The following SLC47A2 variants were observed in gnomAD, a reference collection of about 807,000 sequenced individuals.
The protein encoded by SLC47A2 is multidrug and toxin extrusion protein 2.
SLC47A2 carries 52 observed loss-of-function variants against 67.7 expected under a neutral mutation model. The observed-to-expected ratio is 0.77, with a 90% CI of 0.61 to 0.97. SLC47A2 has a LOEUF of 0.97. Ranked by LOEUF, SLC47A2 falls within the 50% of genes least tolerant of loss-of-function variation. SLC47A2 has a pLI of 0.00. For synonymous variants in SLC47A2, 278 were observed against 292.9 expected, an observed-to-expected ratio of 0.95 and a Z score of 0.52; for missense variants, 676 against 712.3, an observed-to-expected ratio of 0.95 and a Z score of 0.58.
At chr17:19,680,081 A>G (rs757612845) in intron 15 of SLC47A2, 42 bp from the exon 16 acceptor site, 18 of 1,592,900 alleles carry the variant, frequency 1.1e-5, no homozygotes, top group African/African-American at 6.7e-5. Context: ...TGCCAGCTCA[A>G]CAGTTCACCC....
At chr17:19,695,678 A>G (rs552711551) in intron 13 of SLC47A2, among the ~76,000 whole-genome samples, 2 of 152,210 alleles carry the variant, frequency 1.3e-5, no homozygotes, top group South Asian at 4.1e-4. Context: ...ATAACTAATA[A>G]TAAATGTTAT....
chr17:19,682,329 T>TCTCACACA (rs1555537210), intron 13 of SLC47A2, among the ~76,000 whole-genome samples: 1 of 143,784 alleles, frequency 7.0e-6, no homozygotes, highest in African/African-American at 2.6e-5. Context: ...CGAGACTTGG[T>TCTCACACA]CACACACACA....
At chr17:19,680,395 T>C (rs1204255461) in intron 15 of SLC47A2, among the ~76,000 whole-genome samples, 12 of 151,986 alleles carry the variant, frequency 7.9e-5, no homozygotes, top group Admixed American at 7.9e-4. Flanking sequence ...CAGGAGAACC[T>C]CTTGACCCCA....
intron 16 of SLC47A2, among the ~76,000 whole-genome samples, chr17:19,679,121 C>T (rs1053077563): frequency 3.3e-5 from 5 of 152,230 alleles, no homozygotes; most frequent in Admixed American, 6.5e-5. Flanking sequence ...GTGAATTTCA[C>T]GTGCAGATAA....
Position 19,703,282 on chromosome 17 carries a change from C to T in SLC47A2, c.1019-115G>A, listed in dbSNP as rs950941702. The T allele has an allele frequency of 9.9e-6, 9 of 906,672 alleles. No individual in the cohort carries two copies. In the African/African-American group the frequency reaches 1.5e-4, roughly 15 times the overall value. 56.2% of individuals were successfully genotyped at this position (906,672 alleles called of 1,614,324 possible). A position where few individuals can be genotyped will look rare whatever the true frequency, so the allele number is the denominator to read the frequency against. On this transcript the variant is annotated intron_variant, in intron 11 of 16. Transcript: ENST00000433844. ...GCAAGTCAGCCCAGCCCTCTGCAAC[C>T]AGGTGCCTTTTGTCACAGGCCTTCA...
intron 4 of SLC47A2, among the ~76,000 whole-genome samples, chr17:19,713,119 A>G (rs9898022): frequency 0.64 from 97,865 of 152,098 alleles, 31,727 homozygotes; most frequent in East Asian, 0.84. Flanking sequence ...GCCGGGTGCG[A>G]TGGCTCATGC....
At chr17:19,693,821 A>G (rs1176707951) in intron 13 of SLC47A2, among the ~76,000 whole-genome samples, 2 of 152,092 alleles carry the variant, frequency 1.3e-5, no homozygotes, top group African/African-American at 4.8e-5. Context: ...ACAACATTGT[A>G]TTGGAGGTTC....
chr17:19,711,588 C>CAAAAAAA (rs35308426), intron 5 of SLC47A2, among the ~76,000 whole-genome samples: 263 of 32,886 alleles, frequency 8.0e-3, no homozygotes, highest in South Asian at 0.011. Flanking sequence ...AACTCCGTCT[C>CAAAAAAA]AAAAAAAAAA....
At chr17:19,708,227 G>T in intron 7 of SLC47A2, 75 bp downstream of exon 7, 2 of 1,538,532 alleles carry the variant, frequency 1.3e-6, no homozygotes, top group Non-Finnish European at 1.8e-6. Context: ...GATGGTGACT[G>T]ATCTGTCTCC....
chr17:19,688,701 T>A (rs767461247), intron 13 of SLC47A2, among the ~76,000 whole-genome samples: 2 of 151,964 alleles, frequency 1.3e-5, no homozygotes, highest in Non-Finnish European at 2.9e-5. Flanking sequence ...CTGCACTGCC[T>A]GCACTACAAA....
At chr17:19,702,958 C>T in intron 12 of SLC47A2, 134 bp downstream of exon 12, 15 of 1,027,046 alleles carry the variant, frequency 1.5e-5, no homozygotes, top group Non-Finnish European at 2.2e-5. Context: ...GGCTTCCTCT[C>T]AGTGAGAGCC....
At chr17:19,689,678 C>G (rs1789353843) in intron 13 of SLC47A2, among the ~76,000 whole-genome samples, 3 of 143,942 alleles carry the variant, frequency 2.1e-5, no homozygotes. Flanking sequence ...GCCTAAGTGA[C>G]AGAGTGAGAC....
chr17:19,691,858 A>G (rs548821035), intron 13 of SLC47A2, among the ~76,000 whole-genome samples: 12 of 152,366 alleles, frequency 7.9e-5, no homozygotes, highest in Admixed American at 5.9e-4. Flanking sequence ...TACCCCATAA[A>G]TATATACATC....
chr17:19,681,815 C>T, intron 13 of SLC47A2, 145 bp from the exon 14 acceptor site: 1 of 1,027,226 alleles, frequency 9.7e-7, no homozygotes. Context: ...ATCTCCCTTT[C>T]TTCCCTGAGG....
upstream of SLC47A2, chr17:19,717,467 C>A (rs961178885): frequency 2.6e-5 from 4 of 152,414 alleles, no homozygotes; most frequent in African/African-American, 9.7e-5. Context: ...GTCACCTAGC[C>A]CAGTCCTGGA....
chr17:19,691,329 C>T (rs1265766371), intron 13 of SLC47A2, among the ~76,000 whole-genome samples: 2 of 152,088 alleles, frequency 1.3e-5, no homozygotes, highest in East Asian at 3.8e-4. Context: ...TCACAATAGC[C>T]GAGATTTGCA....
At chr17:19,700,971 T>C (rs1001723561) in intron 13 of SLC47A2, among the ~76,000 whole-genome samples, 6 of 150,938 alleles carry the variant, frequency 4.0e-5, no homozygotes, top group African/African-American at 2.4e-5. Context: ...AGTTTGAGAC[T>C]AGCCTGGCCA....
At position 19,708,697 on chromosome 17, in the gene SLC47A2, A is replaced by C; in HGVS notation, c.531+19T>G. On this transcript the variant is annotated intron_variant, in intron 6 of 16. Coordinates refer to ENST00000433844, the MANE Select transcript of SLC47A2 (RefSeq NM_001099646.3). ...AGTGTGCTGGGAGAAGGGCCTCCCCACACACCAAAGACCTGTACCTGATTT... is the reference window on the plus strand; with the variant it reads ...AGTGTGCTGGGAGAAGGGCCTCCCCCCACACCAAAGACCTGTACCTGATTT... The C allele has an allele frequency of 1.2e-6, 2 of 1,613,850 alleles. No homozygotes were observed. Among genetic ancestry groups the C allele is most frequent in the Non-Finnish European group, 1.7e-6 (2 of 1,179,970 alleles).
chr17:19,709,410 A>T (rs942353747), intron 5 of SLC47A2, among the ~76,000 whole-genome samples: 1 of 152,094 alleles, frequency 6.6e-6, no homozygotes, highest in African/African-American at 2.4e-5. Context: ...CCCTTGTCCC[A>T]TTCCTTCCTG....
Sources: allele counts gnomAD v4.1 joint callset (sites outside exome capture counted in the v4.1 genomes callset), GRCh38; gene constraint gnomAD v4.1.1; transcripts MANE v1.5; gene names NCBI Gene and HGNC (gene_info 2026-07-23, HGNC 2026-07-21).